KMT2E: variants seen among roughly 807,000 people sequenced by gnomAD.
KMT2E encodes histone reader KMT2E.
A neutral mutation model predicts 184.6 loss-of-function variants in KMT2E; 30 were observed. The ratio of observed to expected loss-of-function variants is 0.16; its 90% CI spans 0.12 to 0.22. KMT2E has a LOEUF of 0.22. Among genes scored for constraint, KMT2E ranks in the 10% least tolerant of loss-of-function variants. The pLI is 1.00. For synonymous variants in KMT2E, 815 were observed against 776.5 expected (o/e 1.05, Z -0.82); for missense variants, 2,023 against 2,237.4 (o/e 0.90, Z 1.93).
At chr7:105,066,957 T>A in intron 6 of KMT2E, 150 bp downstream of exon 6, 1 of 575,628 alleles carries the variant, frequency 1.7e-6, no homozygotes, top group Non-Finnish European at 3.1e-6. Context: ...CTTGGGAGGC[T>A]GAGGCAGGAA....
chr7:105,016,822 T>C (rs1237981080), intron 1 of KMT2E, among the ~76,000 whole-genome samples: 1 of 152,224 alleles, frequency 6.6e-6, no homozygotes, highest in Non-Finnish European at 1.5e-5. Context: ...TTACTTCATA[T>C]GGTGACTGTA....
At chr7:105,045,436 A>G (rs1484016419) in intron 3 of KMT2E, among the ~76,000 whole-genome samples, 1 of 152,238 alleles carries the variant, frequency 6.6e-6, no homozygotes, top group African/African-American at 2.4e-5. Flanking sequence ...CTCCGCATTC[A>G]CTAAATAACT....
chr7:105,102,153 G>T lies in KMT2E; in HGVS notation c.2155G>T (p.Ala719Ser). Reference sequence around the variant, plus strand: ...AATAATTACTGAAACTGAAGTTCCAGCACTTAATAAATGTCCTACCAAGTA... The same window carrying T: ...AATAATTACTGAAACTGAAGTTCCATCACTTAATAAATGTCCTACCAAGTA... ...AEIITETEVP[A>S]LNKCPTKYPK... is the part of the protein sequence containing the mutation. The change falls in exon 17 of 27, where the codon GCA becomes TCA. Residue 719 changes from alanine (A) to serine (S), a missense_variant. Physicochemically the swap from Ala to Ser is moderately conservative, Grantham distance 99 (BLOSUM62 1). Transcript: ENST00000311117. The T allele has an allele frequency of 6.2e-7, 1 of 1,611,848 alleles. No individual in the cohort carries two copies. The highest frequency in any genetic ancestry group is 8.5e-7 in the Non-Finnish European group (1 of 1,179,050).
chr7:105,032,695 G>A (rs564184490), intron 1 of KMT2E, among the ~76,000 whole-genome samples: 133 of 152,272 alleles, frequency 8.7e-4, no homozygotes, highest in Admixed American at 5.9e-3. Context: ...TGTAGAGACA[G>A]GGTCTTGGTT....
At chr7:105,076,484 A>G (rs531787889) in intron 9 of KMT2E, among the ~76,000 whole-genome samples, 4 of 152,344 alleles carry the variant, frequency 2.6e-5, no homozygotes, top group African/African-American at 9.6e-5. Context: ...CATACTATAA[A>G]TTCACCATAG....
At chr7:105,100,776 C>T (rs998189348) in intron 15 of KMT2E, among the ~76,000 whole-genome samples, 2 of 152,146 alleles carry the variant, frequency 1.3e-5, no homozygotes, top group Non-Finnish European at 2.9e-5. Flanking sequence ...TTGAAAACCT[C>T]GTATTTTCTG....
intron 13 of KMT2E, among the ~76,000 whole-genome samples, chr7:105,086,595 C>T (rs2129568662): frequency 6.6e-6 from 1 of 151,662 alleles, no homozygotes; most frequent in South Asian, 2.1e-4. Context: ...TGTGGTGGCG[C>T]ACATCTGTAA....
chr7:105,087,784 A>G (rs1798043838), intron 13 of KMT2E, among the ~76,000 whole-genome samples: 1 of 144,332 alleles, frequency 6.9e-6, no homozygotes, highest in Non-Finnish European at 1.5e-5. Context: ...GCCTGATCAT[A>G]TCATCTGTCC....
At chr7:105,064,407 C>T (rs1796952594) in intron 5 of KMT2E, among the ~76,000 whole-genome samples, 1 of 151,700 alleles carries the variant, frequency 6.6e-6, no homozygotes, top group South Asian at 2.1e-4. Flanking sequence ...GGCATATACC[C>T]ATATTTGAAT....
intron 5 of KMT2E, 85 bp downstream of exon 5, chr7:105,063,665 C>A: frequency 1.1e-6 from 1 of 888,774 alleles, no homozygotes; most frequent in Non-Finnish European, 1.7e-6. Context: ...AAGTCACTTT[C>A]AAGGGAATTA....
At chr7:105,037,211 CAG>C (rs762926238) in intron 1 of KMT2E, among the ~76,000 whole-genome samples, 4 of 152,092 alleles carry the variant, frequency 2.6e-5, no homozygotes, top group South Asian at 2.1e-4. Context: ...TTATAAAGGA[CAG>C]AAATATAATA....
chr7:105,036,359 C>T (rs555171009), intron 1 of KMT2E, among the ~76,000 whole-genome samples: 19 of 151,366 alleles, frequency 1.3e-4, no homozygotes, highest in African/African-American at 3.6e-4. Flanking sequence ...AGTAGGGACA[C>T]GGTTACACCA....
intron 1 of KMT2E, among the ~76,000 whole-genome samples, chr7:105,036,722 G>A (rs1302729358): frequency 6.6e-6 from 1 of 152,160 alleles, no homozygotes; most frequent in Non-Finnish European, 1.5e-5. Flanking sequence ...TATCAGATAA[G>A]TGCTTCTAGA....
intron 9 of KMT2E, among the ~76,000 whole-genome samples, chr7:105,076,547 A>G (rs1004649212): frequency 6.6e-6 from 1 of 152,228 alleles, no homozygotes; most frequent in Non-Finnish European, 1.5e-5. Context: ...GCTAAAAAGT[A>G]TCTTGAATTA....
At chr7:105,094,803 A>G (rs935885016) in intron 15 of KMT2E, among the ~76,000 whole-genome samples, 88 of 152,342 alleles carry the variant, frequency 5.8e-4, no homozygotes, top group African/African-American at 2.1e-3. Flanking sequence ...TCATTACAGT[A>G]TATGGTTATA....
At chr7:105,074,579 C>A in intron 7 of KMT2E, 64 bp from the exon 8 acceptor site, 1 of 1,178,660 alleles carries the variant, frequency 8.5e-7, no homozygotes, top group Non-Finnish European at 1.1e-6. Flanking sequence ...ATATGGAATG[C>A]TGTTTTATTT....
intron 6 of KMT2E, among the ~76,000 whole-genome samples, chr7:105,073,096 A>C (rs1797390324): frequency 6.6e-6 from 1 of 151,834 alleles, no homozygotes; most frequent in Non-Finnish European, 1.5e-5. Context: ...GTTTGAAAAA[A>C]ATACTGGTTT....
intron 12 of KMT2E, 82 bp downstream of exon 12, chr7:105,079,045 A>T: frequency 1.3e-6 from 1 of 755,650 alleles, no homozygotes; most frequent in Non-Finnish European, 2.4e-6. Flanking sequence ...AACTCAGGTC[A>T]CTGACCTAAG....
chr7:105,088,755 C>A (rs941585648), intron 13 of KMT2E, among the ~76,000 whole-genome samples: 1 of 152,180 alleles, frequency 6.6e-6, no homozygotes, highest in Non-Finnish European at 1.5e-5. Context: ...AGATGCTAAT[C>A]CTCAGTGAGT....
Sources: gnomAD v4.1 joint callset for allele counts (sites outside exome capture counted in the v4.1 genomes callset) on GRCh38, gnomAD v4.1.1 for gene constraint, MANE v1.5 for transcripts, NCBI Gene and HGNC (gene_info 2026-07-23, HGNC 2026-07-21) for gene names.